The following ATP13A2 variants were observed in gnomAD, a reference collection of about 807,000 sequenced individuals.
ATP13A2 encodes ATPase cation transporting 13A2.
A neutral mutation model predicts 138.3 loss-of-function variants in ATP13A2; 83 were observed. That is an observed-to-expected ratio of 0.60 (90% CI 0.50 to 0.72). The LOEUF is 0.72. Among genes scored for constraint, ATP13A2 ranks in the 30% least tolerant of loss-of-function variants. The pLI is 0.00. For missense variants in ATP13A2, 1,402 were observed against 1,606.4 expected, an observed-to-expected ratio of 0.87 and a Z score of 2.17; for synonymous variants, 663 against 699.0, an observed-to-expected ratio of 0.95 and a Z score of 0.81.
rs201236895 is a variant in ATP13A2, at chr1:16,992,292, G to A, written c.1956C>T (p.Tyr652=). 58 of 1,612,484 alleles carry A rather than the reference G, an allele frequency of 3.6e-5. No homozygotes were observed. In the East Asian group the frequency reaches 9.6e-4, roughly 27 times the overall value. ...CCACCAGCTCCGGGGAGCCTTTGACGTAGGCCTCGGGCTGAGTGGCCCCTG... is the reference window on the plus strand; with the variant it reads ...CCACCAGCTCCGGGGAGCCTTTGACATAGGCCTCGGGCTGAGTGGCCCCTG... ...AWPGATQPEA[Y]VKGSPELVAG... The change falls in exon 18 of 29, where the codon TAC becomes TAT. Residue 652 remains tyrosine (Y), a synonymous_variant. Transcript: ENST00000326735.
At position 16,988,139 on chromosome 1, in the gene ATP13A2, G is replaced by A. The variant is rs148721722; in HGVS notation, c.2858C>T (p.Thr953Met). 1.8e-5 allele frequency: 29 copies of A among 1,612,308 alleles called. No individual in the cohort carries two copies. Among genetic ancestry groups the A allele is most frequent in the Admixed American group, 1.0e-4 (6 of 60,006 alleles). Reference sequence around the variant, plus strand: ...GTACGGAGCTCTGCAGATACTCACCGTGTAGAGGATCAGGACGGAGATGAA... The same window carrying A: ...GTACGGAGCTCTGCAGATACTCACCATGTAGAGGATCAGGACGGAGATGAA... ...TQFISVLILY[T>M]INTNLGDLQF... Residue 953 changes from threonine to methionine, a missense_variant and splice_region_variant, in exon 25 of 29, where the codon ACG becomes ATG. Thr to Met is a moderately conservative substitution (Grantham distance 81, BLOSUM62 -1). Coordinates refer to ENST00000326735, the MANE Select transcript of ATP13A2 (RefSeq NM_022089.4).
rs1441663809 is a variant in ATP13A2, at chr1:16,985,974, G to C, written c.*247C>G. On this transcript the variant is annotated 3_prime_UTR_variant, in exon 29 of 29. Transcript: ENST00000326735. ...CACAGCAGAGCCAGGAAAATATCAT[G>C]ACTTTATTTGCTACACTGACAGCAG... is the stretch of plus-strand genomic sequence containing the variant. 1 of 1,443,022 alleles carries C rather than the reference G, an allele frequency of 6.9e-7. No individual in the cohort carries two copies. The highest frequency in any genetic ancestry group is 9.1e-7 in the Non-Finnish European group (1 of 1,096,636). 89.4% of individuals were successfully genotyped at this position (1,443,022 alleles called of 1,614,324 possible). A position where few individuals can be genotyped will look rare whatever the true frequency, so the allele number is the denominator to read the frequency against.
chr1:17,002,914 C>T (rs1307102898), intron 6 of ATP13A2, among the ~76,000 whole-genome samples: 1 of 152,210 alleles, frequency 6.6e-6, no homozygotes, highest in Non-Finnish European at 1.5e-5. Flanking sequence ...CTCCACATGA[C>T]AGCTGGACCC....
rs749864504 is a variant in ATP13A2, at chr1:17,000,573, C to G, written c.706-39G>C. The G allele has an allele frequency of 1.0e-5, 16 of 1,598,998 alleles. 1 individual carries two copies. The East Asian group carries it at 1.4e-4, about 14-fold the overall frequency. On this transcript the variant is annotated intron_variant, in intron 8 of 28. Transcript: ENST00000326735. ...GGGAGGCAGCGTCAGGGCCGCGTCCCCCAGGGCAGCCCAGCCACAGGCTGG... is the reference window on the plus strand; with the variant it reads ...GGGAGGCAGCGTCAGGGCCGCGTCCGCCAGGGCAGCCCAGCCACAGGCTGG...
At chr1:17,005,293 G>C in intron 3 of ATP13A2, 81 bp downstream of exon 3, 1 of 1,540,070 alleles carries the variant, frequency 6.5e-7, no homozygotes, top group Non-Finnish European at 8.8e-7. Context: ...GTCAGTGGCC[G>C]GGTTGGCACC....
intron 16 of ATP13A2, among the ~76,000 whole-genome samples, chr1:16,992,895 C>G (rs779870000): frequency 6.6e-6 from 1 of 152,234 alleles, no homozygotes; most frequent in Non-Finnish European, 1.5e-5. Context: ...AGGCACTCAG[C>G]CTGAGGCCTT....
intron 15 of ATP13A2, among the ~76,000 whole-genome samples, chr1:16,994,637 T>C (rs1310689555): frequency 2.0e-5 from 3 of 151,992 alleles, no homozygotes; most frequent in Admixed American, 6.5e-5. Flanking sequence ...CTGGGAACTA[T>C]AAGAATCTGG....
At position 16,993,612 on chromosome 1, in the gene ATP13A2, C is replaced by A; in HGVS notation, c.1749+17G>T. The A allele has an allele frequency of 3.2e-6, 5 of 1,566,286 alleles. No individual in the cohort carries two copies. Among genetic ancestry groups the A allele is most frequent in the Non-Finnish European group, 4.3e-6 (5 of 1,155,778 alleles). On this transcript the variant is annotated intron_variant, in intron 16 of 28. Transcript: ENST00000326735. Reference sequence around the variant, plus strand: ...CACTGCCCAGAGGCAGGGGGCTGACCTGCTTGGCCTCCTCACCCAGCCAGT... The same window carrying A: ...CACTGCCCAGAGGCAGGGGGCTGACATGCTTGGCCTCCTCACCCAGCCAGT...
intron 11 of ATP13A2, among the ~76,000 whole-genome samples, chr1:16,997,423 G>A (rs2077176702): frequency 7.6e-6 from 1 of 130,962 alleles, no homozygotes; most frequent in Admixed American, 7.6e-5. Flanking sequence ...GCGGGGGGGG[G>A]TGGGTCAGAC....
chr1:16,998,036 C>T (rs1451864950), intron 11 of ATP13A2, among the ~76,000 whole-genome samples: 3 of 152,196 alleles, frequency 2.0e-5, no homozygotes, highest in Non-Finnish European at 4.4e-5. Flanking sequence ...TACTGAATGC[C>T]TGCAGGCTGG....
intron 6 of ATP13A2, among the ~76,000 whole-genome samples, chr1:17,002,622 A>G (rs2101053778): frequency 6.6e-6 from 1 of 152,316 alleles, no homozygotes; most frequent in South Asian, 2.1e-4. Context: ...ATGAACAGTG[A>G]AAAGAGTAGC....
rs1177411869 is a variant in ATP13A2 at position 16,995,414 on chromosome 1, C to T, written c.1542+562G>A. Reference sequence around the variant, plus strand: ...GATGCCTGTGTTGGTCACTGCTGGGCCCCAAGGGTTGGGAGCAGCACGGGA... The same window carrying T: ...GATGCCTGTGTTGGTCACTGCTGGGTCCCAAGGGTTGGGAGCAGCACGGGA... On this transcript the variant is annotated intron_variant, in intron 15 of 28. Coordinates refer to ENST00000326735, the MANE Select transcript of ATP13A2 (RefSeq NM_022089.4). This position sits in a 1 kb window ranked among gnomAD's most constrained non-coding sequence, Gnocchi z 4.1. The T allele has an allele frequency of 4.4e-6, 1 of 227,182 alleles. No homozygotes were observed. The highest frequency in any genetic ancestry group is 8.8e-6 in the Non-Finnish European group (1 of 113,318). The allele number at this position is 227,182 out of a possible 1,614,324, so 14.1% of individuals were successfully genotyped here.
In ATP13A2 at chr1:17,004,735, G is replaced by A. The variant is rs774684946; in HGVS notation, c.434C>T (p.Thr145Met). 7 of 1,614,100 alleles carry A rather than the reference G, an allele frequency of 4.3e-6. No homozygotes were observed. The highest frequency in any genetic ancestry group is 2.2e-5 in the South Asian group (2 of 91,090). The change falls in exon 5 of 29, where the codon ACG becomes ATG. Residue 145 changes from threonine to methionine, a missense_variant. By Grantham distance (81) the Thr-to-Met change is moderately conservative (BLOSUM62 -1). Transcript: ENST00000326735. This position sits in a 1 kb window ranked among gnomAD's most constrained non-coding sequence, Gnocchi z 4.1. ...CTCCTCGCTCTTGTGGAGCTGGGCC[G>A]TATCCTTCCAGGCACCCTCTGGTAC... ...GAVPEGAWKD[T>M]AQLHKSEEAV...
Position 17,011,627 on chromosome 1 carries a change from C to A in ATP13A2, c.10+102G>T. ...GTCCCGCTTCCTGGGCTCGCGACCC[C>A]GCGGTGGGGGGCGTCGCCTCCCCTC... On this transcript the variant is annotated intron_variant, in intron 1 of 28. Coordinates refer to ENST00000326735, the MANE Select transcript of ATP13A2 (RefSeq NM_022089.4). This position sits in a 1 kb window ranked among gnomAD's most constrained non-coding sequence, Gnocchi z 7.3. The A allele has an allele frequency of 1.5e-6, 2 of 1,364,828 alleles. 1 individual carries two copies. Among genetic ancestry groups the A allele is most frequent in the Non-Finnish European group, 1.9e-6 (2 of 1,052,144 alleles). The allele number at this position is 1,364,828 out of a possible 1,614,324, so 84.5% of individuals were successfully genotyped here.
rs776752651 is a variant in ATP13A2, at chr1:16,986,124, G to A, written c.*97C>T. The A allele has an allele frequency of 1.9e-6, 3 of 1,592,536 alleles. No individual in the cohort carries two copies. In the South Asian group the frequency reaches 3.4e-5, roughly 18 times the overall value. On this transcript the variant is annotated 3_prime_UTR_variant, in exon 29 of 29. Coordinates refer to ENST00000326735, the MANE Select transcript of ATP13A2 (RefSeq NM_022089.4). The surrounding 1 kb of genome is among the most constrained non-coding windows in gnomAD (Gnocchi z 6.9). Reference sequence around the variant, plus strand: ...AGTGTAGACAGTCGCCAACCTCAGGGATGTGGGAGGTGGTGGCGGTGGTGT... The same window carrying A: ...AGTGTAGACAGTCGCCAACCTCAGGAATGTGGGAGGTGGTGGCGGTGGTGT...
chr1:17,002,469 C>G, intron 6 of ATP13A2, 96 bp from the exon 7 acceptor site: 1 of 1,404,074 alleles, frequency 7.1e-7, no homozygotes, highest in East Asian at 2.4e-5. Context: ...TCTAGGCCCC[C>G]CATCCCCGTT....
intron 11 of ATP13A2, 105 bp downstream of exon 11, chr1:16,999,906 A>G (rs888332460): frequency 9.7e-6 from 14 of 1,438,762 alleles, no homozygotes; most frequent in Admixed American, 5.4e-5. Flanking sequence ...GTCTCACAAA[A>G]AAACAAAAAA....
Position 16,989,992 on chromosome 1 carries a change from C to T in ATP13A2, c.2424G>A (p.Gln808=), listed in dbSNP as rs771579345. The T allele has an allele frequency of 6.8e-6, 11 of 1,611,640 alleles. No individual in the cohort carries two copies. The African/African-American group carries it at 1.5e-4, about 22-fold the overall frequency. Residue 808 remains glutamine (Q), a synonymous_variant, in exon 22 of 29, where the codon CAG becomes CAA. Coordinates refer to ENST00000326735, the MANE Select transcript of ATP13A2 (RefSeq NM_022089.4). ...TAVNGVKDPD[Q]AASYTVEPDP... is the part of the protein sequence containing the mutation. ...CTGGCTCCACGGTGTAGCTTGCAGC[C>T]TGGTCAGGATCCTGGGGGCCCAGGA...
At position 16,997,003 on chromosome 1, in the gene ATP13A2, AGCC is replaced by A. The variant is rs2077151784; in HGVS notation, c.1195+14_1195+16del. The A allele has an allele frequency of 1.9e-6, 3 of 1,609,886 alleles. No individual in the cohort carries two copies. Among genetic ancestry groups the A allele is most frequent in the Non-Finnish European group, 2.5e-6 (3 of 1,179,210 alleles). ...TGAGCCCGGGATCTCTCTCAAGCCC[AGCC>A]TCCCGGCTCATACCTGTGCGGGTCA... On this transcript the variant is annotated intron_variant, in intron 12 of 28. Transcript: ENST00000326735.
Sources: gnomAD v4.1 joint callset for allele counts (sites outside exome capture counted in the v4.1 genomes callset) on GRCh38, gnomAD v4.1.1 for gene constraint, Gnocchi (gnomAD v3.1) non-coding constraint, MANE v1.5 for transcripts, NCBI Gene and HGNC (gene_info 2026-07-23, HGNC 2026-07-21) for gene names.